Variants in PIAS1 observed in about 807,000 individuals in gnomAD.
PIAS1 encodes the protein protein inhibitor of activated STAT 1.
A neutral mutation model predicts 71.3 loss-of-function variants in PIAS1; 6 were observed. The ratio of observed to expected loss-of-function variants is 0.08; its 90% CI spans 0.05 to 0.17. The LOEUF (loss-of-function observed/expected upper bound fraction) is 0.17, where lower values mean the gene tolerates loss of function less well. Among genes scored for constraint, PIAS1 ranks in the 10% least tolerant of loss-of-function variants. The probability of loss-of-function intolerance (pLI) is 1.00; values close to 1 mark genes in which losing one functional copy is unlikely to be tolerated. For synonymous variants in PIAS1, 303 were observed against 292.9 expected (o/e 1.03, Z -0.35); for missense variants, 555 against 793.6 (o/e 0.70, Z 3.61).
rs910552528 is a variant in PIAS1 at position 68,188,862 on chromosome 15, T to C, written c.*1027T>C. ...AGCTTAGAAAGCTCTGTCAGGTGTT[T>C]TGTGCAGCTGACAGAGGTAATGTTA... On this transcript the variant is annotated 3_prime_UTR_variant, in exon 14 of 14. Transcript: ENST00000249636. 6.6e-6 allele frequency: 1 copy of C among 152,180 alleles called. No individual in the cohort carries two copies. Among genetic ancestry groups the C allele is most frequent in the Non-Finnish European group, 1.5e-5 (1 of 68,024 alleles). 9.4% of individuals were successfully genotyped at this position (152,180 alleles called of 1,614,324 possible). A position where few individuals can be genotyped will look rare whatever the true frequency, so the allele number is the denominator to read the frequency against.
rs761883922 is a variant in PIAS1 at position 68,153,614 on chromosome 15, G to A, written c.853G>A (p.Val285Ile). ...GAACTATTCCATGGCAGTATATCTT[G>A]TAAAACAGTTGTCCTCAACAGTTCT... ...GRNYSMAVYL[V>I]KQLSSTVLLQ... Residue 285 changes from valine (V) to isoleucine (I), a missense_variant, in exon 7 of 14, where the codon GTA becomes ATA. Val to Ile is a conservative substitution (Grantham distance 29). Coordinates refer to ENST00000249636, the MANE Select transcript of PIAS1 (RefSeq NM_016166.3). The A allele has an allele frequency of 1.3e-6, 2 of 1,573,514 alleles. No homozygotes were observed. Among genetic ancestry groups the A allele is most frequent in the Non-Finnish European group, 1.7e-6 (2 of 1,145,868 alleles).
rs189782999 is a variant in PIAS1, at chr15:68,119,534, T to A, written c.470-22412T>A. On this transcript the variant is annotated intron_variant, in intron 2 of 13. Transcript: ENST00000249636. ...AATTGAATTCTACTGTGGGACAGTATACTTTGTATGACTTGAATCCTCTTA... is the reference window on the plus strand; with the variant it reads ...AATTGAATTCTACTGTGGGACAGTAAACTTTGTATGACTTGAATCCTCTTA... 9.2e-5 allele frequency among the ~76,000 whole-genome samples: 14 copies of A among 152,294 alleles called. No homozygotes were observed. In the East Asian group the frequency reaches 2.5e-3, roughly 27 times the overall value.
At chr15:68,097,193 A>G (rs1368952035) in intron 2 of PIAS1, among the ~76,000 whole-genome samples, 1 of 152,064 alleles carries the variant, frequency 6.6e-6, no homozygotes, top group Admixed American at 6.6e-5. Flanking sequence ...AATGTGGTGT[A>G]TTATATTGAA....
chr15:68,166,307 G>A lies in PIAS1; in HGVS notation c.1008+1503G>A, dbSNP rs191416438. On this transcript the variant is annotated intron_variant, in intron 8 of 13. Transcript: ENST00000249636. ...TGTTATAACAGCCTAGGTTGTAAAG[G>A]AGACTGGTGTGGGTTTTTGTGTGTG... Among the ~76,000 whole-genome samples, 3 of 151,932 alleles carry A rather than the reference G, an allele frequency of 2.0e-5. No homozygotes were observed. In the East Asian group the frequency reaches 5.8e-4, roughly 29 times the overall value.
At chr15:68,063,278 G>T (rs1015352259) in intron 1 of PIAS1, among the ~76,000 whole-genome samples, 1 of 152,166 alleles carries the variant, frequency 6.6e-6, no homozygotes, top group East Asian at 1.9e-4. Context: ...AACTTAACAT[G>T]CTATCTTGTG....
intron 1 of PIAS1, among the ~76,000 whole-genome samples, chr15:68,056,348 C>T (rs1325335977): frequency 1.3e-5 from 2 of 152,130 alleles, no homozygotes; most frequent in African/African-American, 4.8e-5. Flanking sequence ...TAAGAAAGTG[C>T]CTTTGGGGAT....
chr15:68,105,001 A>G (rs933459774), intron 2 of PIAS1, among the ~76,000 whole-genome samples: 8 of 152,214 alleles, frequency 5.3e-5, no homozygotes, highest in African/African-American at 1.9e-4. Context: ...TGTATAGCTA[A>G]GAAGCAATCA....
At chr15:68,062,852 A>G (rs1321560487) in intron 1 of PIAS1, among the ~76,000 whole-genome samples, 2 of 152,190 alleles carry the variant, frequency 1.3e-5, no homozygotes, top group Non-Finnish European at 2.9e-5. Context: ...TTTTTTTACA[A>G]TAGATAGTGA....
At chr15:68,062,631 A>G (rs187841841) in intron 1 of PIAS1, among the ~76,000 whole-genome samples, 1 of 152,184 alleles carries the variant, frequency 6.6e-6, no homozygotes, top group African/African-American at 2.4e-5. Context: ...AAAATATGTC[A>G]CTTTTTGTGT....
chr15:68,099,691 GA>G (rs1275414203), intron 2 of PIAS1, among the ~76,000 whole-genome samples: 1 of 151,508 alleles, frequency 6.6e-6, no homozygotes, highest in Non-Finnish European at 1.5e-5. Context: ...TTTTTTGGGA[GA>G]AAATACCAAG....
intron 1 of PIAS1, among the ~76,000 whole-genome samples, chr15:68,082,179 A>C (rs2092235415): frequency 6.6e-6 from 1 of 152,184 alleles, no homozygotes; most frequent in Non-Finnish European, 1.5e-5. Flanking sequence ...GCAAGGAATA[A>C]AAACATCGTA....
At chr15:68,096,417 G>A (rs534499986) in intron 2 of PIAS1, among the ~76,000 whole-genome samples, 1 of 151,132 alleles carries the variant, frequency 6.6e-6, no homozygotes, top group Non-Finnish European at 1.5e-5. Context: ...AGTCCCTTGA[G>A]ATTTTATATC....
At chr15:68,094,903 A>G (rs1298589775) in intron 2 of PIAS1, among the ~76,000 whole-genome samples, 3 of 152,152 alleles carry the variant, frequency 2.0e-5, no homozygotes, top group Admixed American at 1.3e-4. Context: ...TTTATAGATA[A>G]TATTCTGTCT....
intron 2 of PIAS1, among the ~76,000 whole-genome samples, chr15:68,103,202 C>G (rs2141001006): frequency 6.6e-6 from 1 of 152,260 alleles, no homozygotes; most frequent in South Asian, 2.1e-4. Context: ...GCTAGGATTA[C>G]AGGTGTGAGC....
rs1193159304 is a variant in PIAS1, at chr15:68,176,521, T to C, written c.1348T>C (p.Ser450Pro). Residue 450 changes from serine to proline, a missense_variant, in exon 11 of 14, where the codon TCC (serine) becomes CCC (proline). Physicochemically the swap from Ser to Pro is moderately conservative, Grantham distance 74. Transcript: ENST00000249636. ...GCATCAGGTAGCGTCTCACCACCAGTCCTCAAATAAAAACAAGAAAGTAGA... is the reference window on the plus strand; with the variant it reads ...GCATCAGGTAGCGTCTCACCACCAGCCCTCAAATAAAAACAAGAAAGTAGA... ...LEHQVASHHQ[S>P]SNKNKKVEVI... is the part of the protein sequence containing the mutation. 6.2e-7 allele frequency: 1 copy of C among 1,612,236 alleles called. No individual in the cohort carries two copies.
chr15:68,139,447 A>C (rs2092755140), intron 2 of PIAS1, among the ~76,000 whole-genome samples: 1 of 152,246 alleles, frequency 6.6e-6, no homozygotes. Flanking sequence ...AAGTACTTGT[A>C]CATACTATAT....
intron 9 of PIAS1, 87 bp from the exon 10 acceptor site, chr15:68,175,550 C>A: frequency 1.7e-6 from 1 of 584,896 alleles, no homozygotes. Context: ...CTAGTTAGTA[C>A]TAGATTTTAA....
chr15:68,087,287 GTTATA>G (rs1299420834), intron 2 of PIAS1, among the ~76,000 whole-genome samples: 3 of 152,106 alleles, frequency 2.0e-5, no homozygotes, highest in Non-Finnish European at 4.4e-5. Context: ...CATGATTACG[GTTATA>G]TAATATAAGT....
chr15:68,086,191 C>A lies in PIAS1; in HGVS notation c.25-115C>A. ...TTGAAATAATAGGATTATAAGTGAG[C>A]TGGCCTTTATTTGCTTAAGTAAACC... On this transcript the variant is annotated intron_variant, in intron 1 of 13. Coordinates refer to ENST00000249636, the MANE Select transcript of PIAS1 (RefSeq NM_016166.3). This position sits in a 1 kb window ranked among gnomAD's most constrained non-coding sequence, Gnocchi z 7.2. 1 of 657,720 alleles carries A rather than the reference C, an allele frequency of 1.5e-6. No individual in the cohort carries two copies. Among genetic ancestry groups the A allele is most frequent in the African/African-American group, 1.8e-5 (1 of 55,040 alleles). The allele number at this position is 657,720 out of a possible 1,614,324, so 40.7% of individuals were successfully genotyped here.
Sources: allele counts gnomAD v4.1 joint callset (sites outside exome capture counted in the v4.1 genomes callset), GRCh38; gene constraint gnomAD v4.1.1; non-coding constraint Gnocchi (gnomAD v3.1); transcripts MANE v1.5; gene names NCBI Gene and HGNC (gene_info 2026-07-23, HGNC 2026-07-21).